The following PIWIL2 variants were observed in gnomAD, a reference collection of about 807,000 sequenced individuals.
PIWIL2 encodes the protein piwi-like protein 2.
Under a neutral mutation model 116.5 loss-of-function variants are expected in PIWIL2, and 81 were observed. The observed-to-expected ratio is 0.70, with a 90% CI of 0.58 to 0.84. The LOEUF (loss-of-function observed/expected upper bound fraction) is 0.84, where lower values mean the gene tolerates loss of function less well. PIWIL2 is among the 40% of genes least tolerant of loss of function. The probability of loss-of-function intolerance (pLI) is 0.00; values close to 1 mark genes in which losing one functional copy is unlikely to be tolerated. For synonymous variants in PIWIL2, 489 were observed against 429.5 expected (o/e 1.14, Z -1.71); for missense variants, 1,272 against 1,212.3 (o/e 1.05, Z -0.73).
intron 20 of PIWIL2, among the ~76,000 whole-genome samples, chr8:22,329,242 A>G (rs1036110963): frequency 2.0e-5 from 3 of 152,194 alleles, no homozygotes; most frequent in African/African-American, 4.8e-5. Flanking sequence ...TTAATACCAA[A>G]TTAATTTTAA....
At chr8:22,304,944 C>T in intron 12 of PIWIL2, 76 bp downstream of exon 12, 2 of 979,838 alleles carry the variant, frequency 2.0e-6, no homozygotes, top group Non-Finnish European at 3.3e-6. Flanking sequence ...GTCCTCATGG[C>T]TTTGTGGGAG....
intron 12 of PIWIL2, among the ~76,000 whole-genome samples, chr8:22,305,406 A>G (rs1302382835): frequency 1.3e-5 from 2 of 152,010 alleles, no homozygotes; most frequent in African/African-American, 4.8e-5. Flanking sequence ...GTTAGCCAGG[A>G]TAGTCTCGAT....
At chr8:22,288,298 CAAAAAAAAAAA>C (rs5890028) in intron 7 of PIWIL2, among the ~76,000 whole-genome samples, 1 of 102,252 alleles carries the variant, frequency 9.8e-6, no homozygotes. Context: ...ACTCTGTCTC[CAAAAAAAAAAA>C]AAAAAAAAAT....
chr8:22,342,749 T>C (rs1832139407), intron 20 of PIWIL2, among the ~76,000 whole-genome samples: 1 of 152,100 alleles, frequency 6.6e-6, no homozygotes, highest in East Asian at 1.9e-4. Flanking sequence ...AAAGGAAAAA[T>C]TGATAAATTT....
intron 5 of PIWIL2, among the ~76,000 whole-genome samples, chr8:22,283,502 G>A (rs1386549128): frequency 6.6e-6 from 1 of 152,138 alleles, no homozygotes; most frequent in Admixed American, 6.6e-5. Flanking sequence ...TCCGCCTCGC[G>A]GGTTCAAGCA....
intron 20 of PIWIL2, among the ~76,000 whole-genome samples, chr8:22,327,859 T>C (rs1831763427): frequency 6.6e-6 from 1 of 152,228 alleles, no homozygotes. Context: ...AACTATACTC[T>C]TATCTGATGT....
intron 6 of PIWIL2, among the ~76,000 whole-genome samples, chr8:22,286,292 G>A (rs1830627601): frequency 6.6e-6 from 1 of 152,236 alleles, no homozygotes; most frequent in South Asian, 2.1e-4. Context: ...CACTGACTTG[G>A]CCACTCATTT....
intron 9 of PIWIL2, 97 bp downstream of exon 9, chr8:22,290,024 T>C: frequency 1.2e-6 from 1 of 831,072 alleles, no homozygotes; most frequent in Non-Finnish European, 2.0e-6. Context: ...AGCAGTAGTT[T>C]ATGGTAGTGA....
In PIWIL2 at chr8:22,356,629, C is replaced by T. The variant is rs1832495724; in HGVS notation, c.*1124C>T. ...TGAACTTTTCTCCCAGGTGTGTGGC[C>T]TTTATTTCTATTTATATATGTTTGT... On this transcript the variant is annotated 3_prime_UTR_variant, in exon 23 of 23. Transcript: ENST00000356766. 1 of 152,056 alleles carries T rather than the reference C, an allele frequency of 6.6e-6. No homozygotes were observed. Among genetic ancestry groups the T allele is most frequent in the Non-Finnish European group, 1.5e-5 (1 of 68,004 alleles). 9.4% of individuals were successfully genotyped at this position (152,056 alleles called of 1,614,324 possible).
At chr8:22,316,466 T>G in intron 19 of PIWIL2, 133 bp downstream of exon 19, 1 of 616,766 alleles carries the variant, frequency 1.6e-6, no homozygotes. Context: ...TCCTCTATCT[T>G]CATGTGAATT....
At chr8:22,276,114 G>T (rs372484961) in intron 1 of PIWIL2, 1 of 152,290 alleles carries the variant, frequency 6.6e-6, no homozygotes, top group Non-Finnish European at 1.5e-5. Flanking sequence ...TCACCGAAAA[G>T]GGGTGTTAGC....
At chr8:22,345,317 T>G (rs1832200764) in intron 20 of PIWIL2, among the ~76,000 whole-genome samples, 1 of 152,150 alleles carries the variant, frequency 6.6e-6, no homozygotes. Flanking sequence ...ACACAAAAAC[T>G]TATACACAAA....
At chr8:22,330,747 T>C (rs1334365457) in intron 20 of PIWIL2, among the ~76,000 whole-genome samples, 1 of 124,154 alleles carries the variant, frequency 8.1e-6, no homozygotes, top group Admixed American at 8.6e-5. Context: ...TAAATAAAAA[T>C]AGTTGATATA....
chr8:22,345,376 A>G (rs2132102827), intron 20 of PIWIL2, among the ~76,000 whole-genome samples: 1 of 152,258 alleles, frequency 6.6e-6, no homozygotes, highest in South Asian at 2.1e-4. Context: ...AATAATACAA[A>G]TGGGCCAGGC....
intron 20 of PIWIL2, among the ~76,000 whole-genome samples, chr8:22,342,871 C>T (rs1475650565): frequency 6.6e-6 from 1 of 152,176 alleles, no homozygotes; most frequent in East Asian, 1.9e-4. Context: ...TGATAAAGGA[C>T]TGTTATAAAG....
chr8:22,305,172 C>CATTTATTTATTTATTT (rs10669583), intron 12 of PIWIL2, among the ~76,000 whole-genome samples: 2,954 of 143,928 alleles, frequency 0.021, 75 homozygotes, highest in East Asian at 0.069. Flanking sequence ...TATAGATATT[C>CATTTATTTATTTATTT]ATTTATTTAT....
intron 13 of PIWIL2, among the ~76,000 whole-genome samples, chr8:22,306,470 G>A (rs1831182441): frequency 6.6e-6 from 1 of 152,190 alleles, no homozygotes; most frequent in South Asian, 2.1e-4. Flanking sequence ...GGTTTATCTT[G>A]TGGGGCCCTG....
chr8:22,347,619 C>T lies in PIWIL2; in HGVS notation c.2404-5340C>T, dbSNP rs551744627. ...TTGCCTCACTGCAGCCTCCGCCTCTCGGGTTCAAGCTGTTCTCCTACCTCA... is the reference window on the plus strand; with the variant it reads ...TTGCCTCACTGCAGCCTCCGCCTCTTGGGTTCAAGCTGTTCTCCTACCTCA... On this transcript the variant is annotated intron_variant, in intron 20 of 22. Coordinates refer to ENST00000356766, the MANE Select transcript of PIWIL2 (RefSeq NM_018068.5). 6.7e-4 allele frequency among the ~76,000 whole-genome samples: 101 copies of T among 150,334 alleles called. 1 individual carries two copies. Among genetic ancestry groups the T allele is most frequent in the South Asian group, 1.3e-3 (6 of 4,730 alleles).
chr8:22,341,296 A>AT (rs907618944), intron 20 of PIWIL2, among the ~76,000 whole-genome samples: 1 of 149,948 alleles, frequency 6.7e-6, no homozygotes, highest in African/African-American at 2.4e-5. Flanking sequence ...CTCATTCATG[A>AT]TTTAAAAAAA....
Sources: gnomAD v4.1 joint callset for allele counts (sites outside exome capture counted in the v4.1 genomes callset) on GRCh38, gnomAD v4.1.1 for gene constraint, MANE v1.5 for transcripts, NCBI Gene and HGNC (gene_info 2026-07-23, HGNC 2026-07-21) for gene names.